Variants in GRK5 observed in about 807,000 individuals in gnomAD.
GRK5 encodes the protein G protein-coupled receptor kinase 5, also known as g protein-coupled receptor kinase GRK5.
GRK5 carries 40 observed loss-of-function variants against 78.4 expected under a neutral mutation model. That is an observed-to-expected ratio of 0.51 (90% CI 0.40 to 0.66). The LOEUF is 0.66. Among genes scored for constraint, GRK5 ranks in the 30% least tolerant of loss-of-function variants. GRK5 has a pLI of 0.00. For synonymous variants in GRK5, 289 were observed against 296.8 expected (o/e 0.97, Z 0.27); for missense variants, 598 against 759.9 (o/e 0.79, Z 2.50).
chr10:119,336,819 G>A lies in GRK5; in HGVS notation c.148+10208G>A, dbSNP rs1850896117. ...CACAGCATCTGCTTGTCCTTGGAGG[G>A]CGAAATAAATTTAGATGTGTCGGGT... On this transcript the variant is annotated intron_variant, in intron 2 of 15. Transcript: ENST00000392870. The surrounding 1 kb of genome is among the most constrained non-coding windows in gnomAD (Gnocchi z 4.5). 6.6e-6 allele frequency among the ~76,000 whole-genome samples: 1 copy of A among 152,190 alleles called. No homozygotes were observed. The highest frequency in any genetic ancestry group is 1.5e-5 in the Non-Finnish European group (1 of 68,038).
At chr10:119,389,055 G>A (rs1172096713) in intron 3 of GRK5, among the ~76,000 whole-genome samples, 1 of 152,156 alleles carries the variant, frequency 6.6e-6, no homozygotes, top group East Asian at 1.9e-4. Context: ...TGTTTCATAT[G>A]GAAAGAGACT....
chr10:119,423,152 C>G lies in GRK5; in HGVS notation c.340-14C>G, dbSNP rs778553891. On this transcript the variant is annotated splice_polypyrimidine_tract_variant and intron_variant, in intron 4 of 15. Transcript: ENST00000392870. ...GCTCCTCACTGACCACCTCCCTTCC[C>G]TTCCTTCTTCCAGTCCCCTGTTTTC... is the stretch of plus-strand genomic sequence containing the variant. 3 of 1,590,332 alleles carry G rather than the reference C, an allele frequency of 1.9e-6. No individual in the cohort carries two copies. In the African/African-American group the frequency reaches 4.0e-5, roughly 21 times the overall value.
chr10:119,422,523 C>G (rs1852590579), intron 4 of GRK5, among the ~76,000 whole-genome samples: 1 of 152,228 alleles, frequency 6.6e-6, no homozygotes, highest in South Asian at 2.1e-4. Flanking sequence ...ATCTGGGATT[C>G]AAACCCAAGC....
rs1052817580 is a variant in GRK5, at chr10:119,412,146, C to T, written c.340-11020C>T. Among the ~76,000 whole-genome samples the T allele has an allele frequency of 1.3e-4, 20 of 152,154 alleles. No individual in the cohort carries two copies. The highest frequency in any genetic ancestry group is 3.9e-4 in the African/African-American group (16 of 41,440). On this transcript the variant is annotated intron_variant, in intron 4 of 15. Transcript: ENST00000392870. This position sits in a 1 kb window ranked among gnomAD's most constrained non-coding sequence, Gnocchi z 4.3. ...GATTCCAGGCGTGAGCCACTGCGCC[C>T]GGCCTCAGATCCGCTTCTGATTGGA...
chr10:119,410,219 G>T, intron 4 of GRK5, among the ~76,000 whole-genome samples: 1 of 152,190 alleles, frequency 6.6e-6, no homozygotes, highest in East Asian at 1.9e-4. Flanking sequence ...AAGGGTCGGG[G>T]TCTGGGTCAG....
chr10:119,363,023 T>C (rs1851390213), intron 2 of GRK5, among the ~76,000 whole-genome samples: 1 of 152,220 alleles, frequency 6.6e-6, no homozygotes, highest in African/African-American at 2.4e-5. Flanking sequence ...CTCATGCCTG[T>C]AATCCCAGCA....
At chr10:119,352,859 A>T (rs1324348394) in intron 2 of GRK5, among the ~76,000 whole-genome samples, 1 of 152,150 alleles carries the variant, frequency 6.6e-6, no homozygotes, top group Non-Finnish European at 1.5e-5. Flanking sequence ...AGAGCCCCGT[A>T]TGGTGGTGAC....
chr10:119,418,254 G>A (rs1217240712), intron 4 of GRK5, among the ~76,000 whole-genome samples: 1 of 152,324 alleles, frequency 6.6e-6, no homozygotes, highest in East Asian at 1.9e-4. Flanking sequence ...AGCTCACAGA[G>A]CAGGCAGAGT....
At position 119,412,208 on chromosome 10, in the gene GRK5, C is replaced by T. The variant is rs1852360083; in HGVS notation, c.340-10958C>T. Among the ~76,000 whole-genome samples, 1 of 152,118 alleles carries T rather than the reference C, an allele frequency of 6.6e-6. No homozygotes were observed. The highest frequency in any genetic ancestry group is 2.4e-5 in the African/African-American group (1 of 41,418). ...CCTTCATGGGAAACGGTGAGCATCA[C>T]CTTCCTTTGAACTCAAAAGAGGCAC... On this transcript the variant is annotated intron_variant, in intron 4 of 15. Transcript: ENST00000392870. The surrounding 1 kb of genome is among the most constrained non-coding windows in gnomAD (Gnocchi z 4.3).
intron 1 of GRK5, among the ~76,000 whole-genome samples, chr10:119,291,020 G>A (rs76438548): frequency 0.021 from 3,217 of 152,250 alleles, 73 homozygotes; most frequent in East Asian, 0.059. Flanking sequence ...AGATTGTTCT[G>A]TAGTGGTGGC....
At chr10:119,313,652 G>C (rs1367947318) in intron 1 of GRK5, among the ~76,000 whole-genome samples, 5 of 152,050 alleles carry the variant, frequency 3.3e-5, no homozygotes, top group African/African-American at 9.7e-5. Flanking sequence ...TAGCCTTTGT[G>C]GGGGAGGTGG....
chr10:119,233,739 G>A (rs1162537924), intron 1 of GRK5, among the ~76,000 whole-genome samples: 1 of 152,036 alleles, frequency 6.6e-6, no homozygotes, highest in African/African-American at 2.4e-5. Context: ...TGGGTCAGGA[G>A]GAGCCAGCCC....
intron 1 of GRK5, among the ~76,000 whole-genome samples, chr10:119,240,786 A>AT (rs1193792709): frequency 4.6e-5 from 7 of 152,006 alleles, no homozygotes; most frequent in Non-Finnish European, 1.0e-4. Flanking sequence ...CTCACCACGT[A>AT]TCCCAGTCTA....
chr10:119,449,016 C>T lies in GRK5; in HGVS notation c.1404+756C>T, dbSNP rs575940146. ...AGGAAGGCCTGCTGTGCTTCGGCTC[C>T]TGCCACGCTCCCGCGGATGACCCCT... is the stretch of plus-strand genomic sequence containing the variant. On this transcript the variant is annotated intron_variant, in intron 13 of 15. Coordinates refer to ENST00000392870, the MANE Select transcript of GRK5 (RefSeq NM_005308.3). Among the ~76,000 whole-genome samples, 8 of 152,266 alleles carry T rather than the reference C, an allele frequency of 5.3e-5. No individual in the cohort carries two copies. In the South Asian group the frequency reaches 1.7e-3, roughly 32 times the overall value.
intron 2 of GRK5, among the ~76,000 whole-genome samples, chr10:119,340,274 GCGC>G (rs75712058): frequency 0.1 from 15,468 of 151,930 alleles, 1,430 homozygotes; most frequent in African/African-American, 0.25. Context: ...TTACAGGTGT[GCGC>G]CACCACGCCC....
chr10:119,299,982 C>T (rs578028807), intron 1 of GRK5, among the ~76,000 whole-genome samples: 1 of 152,112 alleles, frequency 6.6e-6, no homozygotes, highest in Non-Finnish European at 1.5e-5. Flanking sequence ...CACGACAGGC[C>T]CCGGTGTGTG....
At chr10:119,337,625 C>G (rs556902890) in intron 2 of GRK5, among the ~76,000 whole-genome samples, 7 of 152,030 alleles carry the variant, frequency 4.6e-5, no homozygotes, top group African/African-American at 1.7e-4. Flanking sequence ...CCACTTTTTT[C>G]TCTTTTTTTT....
At chr10:119,350,528 G>A (rs140266529) in intron 2 of GRK5, among the ~76,000 whole-genome samples, 2,435 of 152,274 alleles carry the variant, frequency 0.016, 84 homozygotes, top group African/African-American at 0.056. Flanking sequence ...GGTGTTTTCA[G>A]AATGTCACCA....
At chr10:119,410,379 C>T (rs1345937404) in intron 4 of GRK5, among the ~76,000 whole-genome samples, 1 of 152,130 alleles carries the variant, frequency 6.6e-6, no homozygotes, top group Non-Finnish European at 1.5e-5. Context: ...ACTGGAATAG[C>T]AAAGGAAATG....
Sources: gnomAD v4.1 joint callset for allele counts (sites outside exome capture counted in the v4.1 genomes callset) on GRCh38, gnomAD v4.1.1 for gene constraint, Gnocchi (gnomAD v3.1) non-coding constraint, MANE v1.5 for transcripts, NCBI Gene and HGNC (gene_info 2026-07-23, HGNC 2026-07-21) for gene names.